Variants in DLG2 observed in about 807,000 individuals in gnomAD.
DLG2 encodes disks large homolog 2.
In DLG2, 45 loss-of-function variants were observed where a neutral mutation model predicts 132.5. That is an observed-to-expected ratio of 0.34 (90% CI 0.27 to 0.44). The LOEUF is 0.44. Ranked by LOEUF, DLG2 falls within the 20% of genes least tolerant of loss-of-function variation. The pLI, the probability that DLG2 is intolerant of heterozygous loss-of-function variation, is 1.00. For missense variants in DLG2, 1,045 were observed against 1,196.9 expected, an observed-to-expected ratio of 0.87 and a Z score of 1.87; for synonymous variants, 424 against 419.6, an observed-to-expected ratio of 1.01 and a Z score of -0.13.
intron 6 of DLG2, among the ~76,000 whole-genome samples, chr11:84,863,807 C>T (rs1442884882): frequency 6.6e-6 from 1 of 152,126 alleles, no homozygotes; most frequent in Admixed American, 6.5e-5. Context: ...ATTTGCAGTG[C>T]ACTGAGGATC....
At chr11:84,344,147 C>T (rs767604565) in intron 7 of DLG2, among the ~76,000 whole-genome samples, 2 of 151,936 alleles carry the variant, frequency 1.3e-5, no homozygotes, top group Non-Finnish European at 2.9e-5. Flanking sequence ...AAACAAATAC[C>T]AACACAGAGT....
At chr11:84,250,140 T>C (rs537768119) in intron 8 of DLG2, among the ~76,000 whole-genome samples, 28 of 152,318 alleles carry the variant, frequency 1.8e-4, no homozygotes, top group African/African-American at 6.7e-4. Flanking sequence ...CTTTTGAAAA[T>C]TAGTTGCCTG....
chr11:84,272,221 G>C, intron 7 of DLG2: 1 of 390,118 alleles, frequency 2.6e-6, no homozygotes, highest in South Asian at 1.9e-5. Context: ...AAGTGATTTC[G>C]AAGTTACAGG....
intron 9 of DLG2, among the ~76,000 whole-genome samples, chr11:84,128,856 G>A (rs1437667031): frequency 3.3e-5 from 5 of 152,210 alleles, no homozygotes. Context: ...GGTTTTAAAA[G>A]TACTTCCTCC....
intron 6 of DLG2, among the ~76,000 whole-genome samples, chr11:84,985,172 T>C (rs1033980861): frequency 9.9e-5 from 15 of 152,156 alleles, no homozygotes; most frequent in Admixed American, 9.2e-4. Flanking sequence ...CTGCAGAATA[T>C]CCATTCTATT....
chr11:85,369,737 C>G (rs2084831677), intron 3 of DLG2, among the ~76,000 whole-genome samples: 1 of 152,114 alleles, frequency 6.6e-6, no homozygotes, highest in Non-Finnish European at 1.5e-5. Context: ...TCAATATCTG[C>G]AGGTTTTCCT....
intron 6 of DLG2, among the ~76,000 whole-genome samples, chr11:84,617,510 T>C (rs1463283705): frequency 2.6e-5 from 4 of 152,130 alleles, no homozygotes; most frequent in East Asian, 3.9e-4. Flanking sequence ...AGTAATGGGA[T>C]TGCTGGTTCA....
At chr11:83,507,552 A>C (rs1470075560) in intron 21 of DLG2, among the ~76,000 whole-genome samples, 1 of 145,400 alleles carries the variant, frequency 6.9e-6, no homozygotes, top group African/African-American at 2.5e-5. Context: ...CTAAAGATAT[A>C]TATCCTAAGT....
At chr11:83,647,036 T>A (rs7111830) in intron 18 of DLG2, 7,631 of 152,206 alleles carry the variant, frequency 0.05, 673 homozygotes, top group African/African-American at 0.17. Context: ...TCCTTGCTTA[T>A]AAGTCCAAAT....
At chr11:84,796,819 A>AT (rs905769943) in intron 6 of DLG2, among the ~76,000 whole-genome samples, 27 of 148,558 alleles carry the variant, frequency 1.8e-4, no homozygotes, top group African/African-American at 6.8e-4. Context: ...TGTTTTTATG[A>AT]TTTTTTATTT....
intron 3 of DLG2, among the ~76,000 whole-genome samples, chr11:85,535,337 A>G (rs1203009405): frequency 1.3e-5 from 2 of 152,130 alleles, no homozygotes; most frequent in Non-Finnish European, 2.9e-5. Flanking sequence ...TTCCATAAAG[A>G]TTATACCAAT....
intron 10 of DLG2, among the ~76,000 whole-genome samples, chr11:84,060,773 A>G (rs1256975161): frequency 6.6e-6 from 1 of 152,168 alleles, no homozygotes; most frequent in Non-Finnish European, 1.5e-5. Context: ...CATGTTGCTC[A>G]GAGTCAAAAA....
intron 6 of DLG2, among the ~76,000 whole-genome samples, chr11:85,099,246 T>C (rs1594154544): frequency 6.6e-6 from 1 of 152,196 alleles, no homozygotes; most frequent in East Asian, 1.9e-4. Flanking sequence ...AGACATGGCC[T>C]TGTGGAACAG....
chr11:84,029,743 G>A (rs1311194926), intron 11 of DLG2, among the ~76,000 whole-genome samples: 5 of 152,156 alleles, frequency 3.3e-5, no homozygotes, highest in Non-Finnish European at 5.9e-5. Flanking sequence ...ACTAGGTTTA[G>A]GCCTGTGCTC....
intron 3 of DLG2, among the ~76,000 whole-genome samples, chr11:85,526,986 G>A (rs1361815081): frequency 6.6e-6 from 1 of 152,108 alleles, no homozygotes; most frequent in Non-Finnish European, 1.5e-5. Flanking sequence ...CAACCAAAAT[G>A]TGTATATTTT....
At chr11:84,634,295 C>T (rs1400035228) in intron 6 of DLG2, among the ~76,000 whole-genome samples, 1 of 151,974 alleles carries the variant, frequency 6.6e-6, no homozygotes, top group East Asian at 1.9e-4. Flanking sequence ...TGGTAGAGCC[C>T]CTGACACACA....
chr11:84,563,803 A>T (rs1317173782), intron 6 of DLG2, among the ~76,000 whole-genome samples: 2 of 152,188 alleles, frequency 1.3e-5, no homozygotes, highest in Admixed American at 1.3e-4. Flanking sequence ...CAGCTATGTG[A>T]CATCTTATTA....
intron 6 of DLG2, among the ~76,000 whole-genome samples, chr11:84,603,472 A>C (rs1007698343): frequency 3.9e-5 from 6 of 152,028 alleles, no homozygotes; most frequent in Non-Finnish European, 8.8e-5. Context: ...CATCACCTCT[A>C]ACATAAAGTT....
At chr11:83,492,848 C>A (rs528907886) in intron 21 of DLG2, among the ~76,000 whole-genome samples, 1 of 152,186 alleles carries the variant, frequency 6.6e-6, no homozygotes, top group African/African-American at 2.4e-5. Flanking sequence ...TGATATTGAC[C>A]TCAGCTGGTG....
Sources: gnomAD v4.1 joint callset for allele counts (sites outside exome capture counted in the v4.1 genomes callset) on GRCh38, gnomAD v4.1.1 for gene constraint, MANE v1.5 for transcripts, NCBI Gene and HGNC (gene_info 2026-07-23, HGNC 2026-07-21) for gene names.